Variants in GRTP1 observed in about 807,000 individuals in gnomAD.
GRTP1 encodes growth hormone-regulated TBC protein 1.
A neutral mutation model predicts 38.1 loss-of-function variants in GRTP1; 56 were observed. The observed-to-expected ratio is 1.47, with a 90% CI of 1.19 to 1.84. The LOEUF (loss-of-function observed/expected upper bound fraction) is 1.84, where lower values mean the gene tolerates loss of function less well. Among genes scored for constraint, GRTP1 ranks in the 40% most tolerant of loss-of-function variants. The pLI is 0.00. For missense variants in GRTP1, 506 were observed against 453.9 expected, an observed-to-expected ratio of 1.11 and a Z score of -1.04; for synonymous variants, 217 against 189.5, an observed-to-expected ratio of 1.14 and a Z score of -1.19.
In GRTP1 at chr13:113,326,001, A is replaced by G; in HGVS notation, c.653T>C (p.Leu218Pro). ...VRAKLPAVGALMERLGVLWTL... is the reference protein window; with the variant it reads ...VRAKLPAVGAPMERLGVLWTL... ...CCACAGCACACCGAGACGCTCCATC[A>G]GGGCCCCCACAGCCGGCAGCTTCGC... The change falls in exon 6 of 8, where the codon CTG (leucine) becomes CCG (proline). Residue 218 changes from leucine to proline, a missense_variant. Coordinates refer to ENST00000375431, the MANE Select transcript of GRTP1 (RefSeq NM_024719.4). 2 of 1,613,654 alleles carry G rather than the reference A, an allele frequency of 1.2e-6. No individual in the cohort carries two copies. The highest frequency in any genetic ancestry group is 1.7e-6 in the Non-Finnish European group (2 of 1,179,890).
rs1182563698 is a variant in GRTP1, at chr13:113,346,905, G to C, written c.466-1946C>G. ...CAGTGGACCCGGGAGGACCTCTGTG[G>C]CTGAGAGCGGACCTGGGAGGACCTC... On this transcript the variant is annotated intron_variant, in intron 4 of 7. Coordinates refer to ENST00000375431, the MANE Select transcript of GRTP1 (RefSeq NM_024719.4). 7.8e-3 allele frequency among the ~76,000 whole-genome samples: 9 copies of C among 1,160 alleles called. 2 individuals are homozygous for C. The highest frequency in any genetic ancestry group is 0.01 in the African/African-American group (9 of 876). The allele number at this position is 1,160 out of a possible 152,430, so 0.8% of individuals were successfully genotyped here.
chr13:113,325,788 AC>A lies in GRTP1; in HGVS notation c.793del (p.Val265TrpfsTer3). ...GTGCTGCTTAATTAAGGTCAGGGCC[AC>A]CCGGAAGATAATCTTCGAGCCTTCG... ...FNEGSKIIFR[V>X]ALTLIKQHQE... On this transcript the variant is annotated frameshift_variant, in exon 7 of 8. Coordinates refer to ENST00000375431, the MANE Select transcript of GRTP1 (RefSeq NM_024719.4). LOFTEE classifies it high-confidence loss of function. 4 of 1,614,138 alleles carry A rather than the reference AC, an allele frequency of 2.5e-6. No homozygotes were observed. Among genetic ancestry groups the A allele is most frequent in the Non-Finnish European group, 3.4e-6 (4 of 1,180,002 alleles).
intron 2 of GRTP1, among the ~76,000 whole-genome samples, chr13:113,358,255 A>ATTTATTTATTTATT (rs2043432585): frequency 1.3e-5 from 2 of 152,216 alleles, no homozygotes; most frequent in Non-Finnish European, 2.9e-5. Flanking sequence ...AAAAGGAGAA[A>ATTTATTTATTTATT]TACTTAGGTA....
In GRTP1 at chr13:113,325,841, C is replaced by T. The variant is rs2042756276; in HGVS notation, c.741G>A (p.Val247=). Residue 247 remains valine, a synonymous_variant, in exon 7 of 8, where the codon GTG becomes GTA. Coordinates refer to ENST00000375431, the MANE Select transcript of GRTP1 (RefSeq NM_024719.4). ...LFVDILPVET[V]LRIWDCLFNE... ...TAAACAAACAGTCCCAGATCCGAAG[C>T]ACTGTCTGCAGAGACATGGGAACCC... is the stretch of plus-strand genomic sequence containing the variant. 6.2e-7 allele frequency: 1 copy of T among 1,614,022 alleles called. No homozygotes were observed. The highest frequency in any genetic ancestry group is 1.3e-5 in the African/African-American group (1 of 75,048).
chr13:113,332,766 C>T (rs946561704), intron 5 of GRTP1, among the ~76,000 whole-genome samples: 1 of 152,252 alleles, frequency 6.6e-6, no homozygotes, highest in Non-Finnish European at 1.5e-5. Flanking sequence ...GCAGAAGGCC[C>T]ATGGGGTGAG....
intron 2 of GRTP1, among the ~76,000 whole-genome samples, chr13:113,357,750 T>C (rs2043421892): frequency 6.6e-6 from 1 of 152,190 alleles, no homozygotes; most frequent in African/African-American, 2.4e-5. Flanking sequence ...TTCTGTGCTA[T>C]ACAACAGCAG....
rs377220276 is a variant in GRTP1, at chr13:113,344,850, A to G, written c.562+13T>C. 2.8e-5 allele frequency: 45 copies of G among 1,595,122 alleles called. No individual in the cohort carries two copies. In the African/African-American group the frequency reaches 3.2e-4, roughly 12 times the overall value. On this transcript the variant is annotated intron_variant, in intron 5 of 7. Transcript: ENST00000375431. ...AGGACAGTTCGGGCATACCGCAGGAATTTTCAACATACCTGGTAGTATTCT... is the reference window on the plus strand; with the variant it reads ...AGGACAGTTCGGGCATACCGCAGGAGTTTTCAACATACCTGGTAGTATTCT...
intron 3 of GRTP1, among the ~76,000 whole-genome samples, chr13:113,352,359 T>A (rs9549395): frequency 4.9e-4 from 6 of 12,296 alleles, no homozygotes; most frequent in East Asian, 3.9e-3. Flanking sequence ...TTATATATAT[T>A]TTATATATAT....
chr13:113,355,363 C>T lies in GRTP1; in HGVS notation c.300G>A (p.Gln100=), dbSNP rs376154757. Residue 100 remains glutamine (Q), a synonymous_variant, in exon 3 of 8, where the codon CAG becomes CAA. Coordinates refer to ENST00000375431, the MANE Select transcript of GRTP1 (RefSeq NM_024719.4). The part of the protein sequence containing the change: ...QNPGYYHQLL[Q]GERNPRLEDA... ...CCTCCAGCCTGGGGTTTCTCTCTCC[C>T]TGGAGAAGCTGGTGGTAGTAGCCGG... 9.0e-5 allele frequency: 146 copies of T among 1,613,998 alleles called. No individual in the cohort carries two copies. Among genetic ancestry groups the T allele is most frequent in the Non-Finnish European group, 1.1e-4 (134 of 1,180,014 alleles).
chr13:113,338,425 T>C (rs1211712596), intron 5 of GRTP1, among the ~76,000 whole-genome samples: 1 of 152,054 alleles, frequency 6.6e-6, no homozygotes, highest in South Asian at 2.1e-4. Context: ...TTGGACCCCC[T>C]CTAAGTGACT....
At chr13:113,327,298 C>T (rs896217915) in intron 5 of GRTP1, among the ~76,000 whole-genome samples, 2 of 152,172 alleles carry the variant, frequency 1.3e-5, no homozygotes, top group African/African-American at 2.4e-5. Context: ...CCTGCCTTAG[C>T]CTCCTGAGTA....
At chr13:113,351,269 G>A (rs969024157) in intron 3 of GRTP1, among the ~76,000 whole-genome samples, 7 of 152,128 alleles carry the variant, frequency 4.6e-5, no homozygotes, top group African/African-American at 1.2e-4. Context: ...CTCAATGCCC[G>A]TCTCCTCCCG....
intron 5 of GRTP1, among the ~76,000 whole-genome samples, chr13:113,332,249 G>A (rs548363382): frequency 6.7e-5 from 10 of 149,928 alleles, no homozygotes; most frequent in East Asian, 3.9e-4. Context: ...AGGTACACAC[G>A]TGCACACGCA....
intron 3 of GRTP1, among the ~76,000 whole-genome samples, chr13:113,354,713 G>A (rs1449527341): frequency 2.0e-5 from 3 of 152,086 alleles, no homozygotes; most frequent in Non-Finnish European, 4.4e-5. Context: ...TTTTAGTAGA[G>A]ACCGGGTTTC....
At chr13:113,336,044 G>A (rs1469377046) in intron 5 of GRTP1, among the ~76,000 whole-genome samples, 2 of 151,806 alleles carry the variant, frequency 1.3e-5, no homozygotes, top group African/African-American at 2.4e-5. Context: ...CACCCGCCTC[G>A]GCCTCACAAA....
intron 5 of GRTP1, among the ~76,000 whole-genome samples, chr13:113,340,661 T>A (rs1008807628): frequency 6.6e-6 from 1 of 151,872 alleles, no homozygotes; most frequent in African/African-American, 2.4e-5. Flanking sequence ...GCGCCTGTAG[T>A]CCCAGCTACT....
rs2042769581 is a variant in GRTP1, at chr13:113,326,365, AGGGTGGCGCGGTG to A, written c.563-287_563-275del. On this transcript the variant is annotated intron_variant, in intron 5 of 7. Transcript: ENST00000375431. ...GGCATCAGTTAAAATCTGCAGGTGG[AGGGTGGCGCGGTG>A]GGGGGGGGGGGGGCGGGAGCGTGGC... 4.8e-4 allele frequency among the ~76,000 whole-genome samples: 2 copies of A among 4,132 alleles called. 1 individual carries two copies. The highest frequency in any genetic ancestry group is 7.6e-4 in the African/African-American group (2 of 2,622). 2.7% of individuals were successfully genotyped at this position (4,132 alleles called of 152,430 possible).
At chr13:113,328,961 A>G (rs2042816151) in intron 5 of GRTP1, among the ~76,000 whole-genome samples, 1 of 149,734 alleles carries the variant, frequency 6.7e-6, no homozygotes, top group African/African-American at 2.6e-5. Flanking sequence ...CAGCCTGTGG[A>G]CTAAATTCTC....
At position 113,325,769 on chromosome 13, in the gene GRTP1, CTTAA is replaced by C. The variant is rs769100440; in HGVS notation, c.809_812del (p.Ile270SerfsTer6). 55 of 1,614,202 alleles carry C rather than the reference CTTAA, an allele frequency of 3.4e-5. No homozygotes were observed. Among genetic ancestry groups the C allele is most frequent in the Non-Finnish European group, 4.6e-5 (54 of 1,180,036 alleles). ...CTTCCAAAATCAACTCCTGGTGCTGCTTAATTAAGGTCAGGGCCACCCGGAAGAT... is the reference window on the plus strand; with the variant it reads ...CTTCCAAAATCAACTCCTGGTGCTGCTTAAGGTCAGGGCCACCCGGAAGAT... On this transcript the variant is annotated frameshift_variant, in exon 7 of 8. Transcript: ENST00000375431. LOFTEE classifies it high-confidence loss of function.
Sources: allele counts gnomAD v4.1 joint callset (sites outside exome capture counted in the v4.1 genomes callset), GRCh38; gene constraint gnomAD v4.1.1; transcripts MANE v1.5; gene names NCBI Gene and HGNC (gene_info 2026-07-23, HGNC 2026-07-21).